The following AFG1L variants were observed in gnomAD, a reference collection of about 807,000 sequenced individuals.
AFG1L encodes the protein AFG1-like ATPase.
In AFG1L, 53 loss-of-function variants were observed where a neutral mutation model predicts 62.2. The observed-to-expected ratio is 0.85, with a 90% CI of 0.68 to 1.07. The LOEUF (loss-of-function observed/expected upper bound fraction) is 1.07. AFG1L is among the 50% of genes least tolerant of loss of function. The probability of loss-of-function intolerance (pLI) is 0.00; values close to 1 mark genes in which losing one functional copy is unlikely to be tolerated. For synonymous variants in AFG1L, 228 were observed against 210.3 expected, an observed-to-expected ratio of 1.08 and a Z score of -0.73; for missense variants, 555 against 590.5, an observed-to-expected ratio of 0.94 and a Z score of 0.62.
intron 6 of AFG1L, among the ~76,000 whole-genome samples, chr6:108,368,524 A>C (rs1779855011): frequency 1.3e-5 from 2 of 152,196 alleles, no homozygotes; most frequent in African/African-American, 4.8e-5. Flanking sequence ...ATATAATGTT[A>C]TATACAGCAT....
intron 1 of AFG1L, among the ~76,000 whole-genome samples, chr6:108,313,202 C>T (rs1032034776): frequency 3.9e-5 from 6 of 152,062 alleles, no homozygotes; most frequent in Non-Finnish European, 7.4e-5. Context: ...TTCCAGAGCC[C>T]ACATTCCTTC....
intron 6 of AFG1L, among the ~76,000 whole-genome samples, chr6:108,369,608 G>A (rs1779905985): frequency 6.6e-6 from 1 of 151,742 alleles, no homozygotes. Flanking sequence ...CTTTTTTTAG[G>A]TCACAATTTT....
At chr6:108,446,491 C>CTTTTTTTT (rs1184074963) in intron 7 of AFG1L, among the ~76,000 whole-genome samples, 12 of 122,280 alleles carry the variant, frequency 9.8e-5, no homozygotes, top group African/African-American at 2.8e-4. Context: ...CTCTCTCTCT[C>CTTTTTTTT]TTTTTTTTTT....
intron 7 of AFG1L, among the ~76,000 whole-genome samples, chr6:108,426,397 T>C (rs1211838458): frequency 2.6e-5 from 4 of 152,126 alleles, no homozygotes; most frequent in Non-Finnish European, 5.9e-5. Context: ...TGGGAGAAAA[T>C]TAAAGCTTAC....
At chr6:108,379,060 G>C (rs1009335643) in intron 6 of AFG1L, among the ~76,000 whole-genome samples, 2 of 144,862 alleles carry the variant, frequency 1.4e-5, no homozygotes, top group African/African-American at 2.6e-5. Context: ...CTGGAGTGCA[G>C]AGTGCAGTGG....
chr6:108,493,184 C>T (rs1348937090), intron 10 of AFG1L, among the ~76,000 whole-genome samples: 1 of 152,160 alleles, frequency 6.6e-6, no homozygotes, highest in Admixed American at 6.6e-5. Context: ...CCTAGTGATC[C>T]GAAGTGTTCC....
intron 7 of AFG1L, among the ~76,000 whole-genome samples, chr6:108,414,353 T>G (rs377019360): frequency 6.6e-6 from 1 of 152,080 alleles, no homozygotes; most frequent in Admixed American, 6.6e-5. Context: ...ACAAAGAGGA[T>G]CTGGTACCAT....
At chr6:108,370,705 T>G (rs1233884958) in intron 6 of AFG1L, among the ~76,000 whole-genome samples, 5 of 152,124 alleles carry the variant, frequency 3.3e-5, no homozygotes, top group African/African-American at 1.2e-4. Flanking sequence ...AAAGGACACT[T>G]TCTAATTTTC....
At chr6:108,481,164 A>G (rs1470532709) in intron 10 of AFG1L, among the ~76,000 whole-genome samples, 1 of 152,156 alleles carries the variant, frequency 6.6e-6, no homozygotes, top group Non-Finnish European at 1.5e-5. Context: ...TGCCTTAGAG[A>G]AGTGTGGGAG....
rs397965721 is a variant in AFG1L, at chr6:108,300,675, CT to C, written c.139+5472del. Among the ~76,000 whole-genome samples, 253 of 141,362 alleles carry C rather than the reference CT, an allele frequency of 1.8e-3. 1 individual carries two copies. The highest frequency in any genetic ancestry group is 2.9e-3 in the Admixed American group (41 of 14,090). 92.7% of individuals were successfully genotyped at this position (141,362 alleles called of 152,430 possible). On this transcript the variant is annotated intron_variant, in intron 1 of 12. Coordinates refer to ENST00000368977, the MANE Select transcript of AFG1L (RefSeq NM_145315.5). ...TCACTGGTTATAGCGTTTGAACTTACTTTTTTTTTTTTTTTGAGACTGAATA... is the reference window on the plus strand; with the variant it reads ...TCACTGGTTATAGCGTTTGAACTTACTTTTTTTTTTTTTTGAGACTGAATA...
intron 5 of AFG1L, 51 bp from the exon 6 acceptor site, chr6:108,366,182 T>A: frequency 8.7e-7 from 1 of 1,152,748 alleles, no homozygotes; most frequent in Non-Finnish European, 1.3e-6. Context: ...CTAGCAAATT[T>A]GTTACAGCAG....
intron 6 of AFG1L, among the ~76,000 whole-genome samples, chr6:108,395,209 T>C (rs184557148): frequency 3.1e-4 from 47 of 152,272 alleles, no homozygotes; most frequent in African/African-American, 1.1e-3. Context: ...AGAGAATAAA[T>C]GTTTCCTAAT....
chr6:108,446,716 C>G (rs1250930006), intron 7 of AFG1L, among the ~76,000 whole-genome samples: 1 of 150,978 alleles, frequency 6.6e-6, no homozygotes. Context: ...GTTGCTCAGG[C>G]TGGTCTCAAA....
chr6:108,456,627 C>T (rs1316326676), intron 8 of AFG1L, among the ~76,000 whole-genome samples: 4 of 152,006 alleles, frequency 2.6e-5, no homozygotes, highest in Admixed American at 1.3e-4. Flanking sequence ...AACCCATAAC[C>T]GTTAGCAGTC....
At chr6:108,509,440 GCA>G (rs980866199) in intron 10 of AFG1L, among the ~76,000 whole-genome samples, 3 of 152,180 alleles carry the variant, frequency 2.0e-5, no homozygotes, top group Non-Finnish European at 2.9e-5. Flanking sequence ...TCATACTGAA[GCA>G]CAGTCTTTAT....
At chr6:108,308,639 A>G (rs1204397271) in intron 1 of AFG1L, among the ~76,000 whole-genome samples, 4 of 151,832 alleles carry the variant, frequency 2.6e-5, no homozygotes, top group Non-Finnish European at 4.4e-5. Flanking sequence ...TTAGCTTTCC[A>G]AGTAGCTAGG....
At chr6:108,497,523 T>C (rs372113368) in intron 10 of AFG1L, among the ~76,000 whole-genome samples, 6 of 152,082 alleles carry the variant, frequency 3.9e-5, no homozygotes, top group African/African-American at 1.4e-4. Flanking sequence ...CTCCCTGCAT[T>C]TCTCTGCTTG....
intron 6 of AFG1L, among the ~76,000 whole-genome samples, chr6:108,390,369 G>A (rs923761405): frequency 6.6e-6 from 1 of 152,208 alleles, no homozygotes; most frequent in Non-Finnish European, 1.5e-5. Flanking sequence ...CTCTCAACTT[G>A]TCAAAGTCAT....
intron 8 of AFG1L, 125 bp downstream of exon 8, chr6:108,447,421 A>G (rs745829229): frequency 6.9e-6 from 4 of 576,724 alleles, no homozygotes; most frequent in Non-Finnish European, 9.3e-6. Flanking sequence ...TTAAATTGCA[A>G]ATGTTCTCAT....
Sources: allele counts gnomAD v4.1 joint callset (sites outside exome capture counted in the v4.1 genomes callset), GRCh38; gene constraint gnomAD v4.1.1; transcripts MANE v1.5; gene names NCBI Gene and HGNC (gene_info 2026-07-23, HGNC 2026-07-21).